The following NALF1 variants were observed in gnomAD, a reference collection of about 807,000 sequenced individuals.
NALF1 encodes family with sequence similarity 155 member A.
In NALF1, 3 loss-of-function variants were observed where a neutral mutation model predicts 48.4. The observed-to-expected ratio is 0.06, with a 90% confidence interval of 0.03 to 0.16. The LOEUF is 0.16. Among genes scored for constraint, NALF1 ranks in the 10% least tolerant of loss-of-function variants. NALF1 has a pLI of 1.00. For synonymous variants in NALF1, 262 were observed against 245.7 expected (o/e 1.07, Z -0.62); for missense variants, 526 against 571.5 (o/e 0.92, Z 0.81).
intron 1 of NALF1, among the ~76,000 whole-genome samples, chr13:107,820,699 A>C (rs1427684601): frequency 6.6e-6 from 1 of 152,140 alleles, no homozygotes; most frequent in Non-Finnish European, 1.5e-5. Flanking sequence ...TGAAAAATAC[A>C]TGTTTCCCAG....
At chr13:107,198,744 A>C (rs139237103) in intron 2 of NALF1, among the ~76,000 whole-genome samples, 1 of 152,302 alleles carries the variant, frequency 6.6e-6, no homozygotes, top group East Asian at 1.9e-4. Context: ...TCCAAAATCA[A>C]TGTGTTGGCA....
intron 1 of NALF1, among the ~76,000 whole-genome samples, chr13:107,564,904 C>T (rs1019644126): frequency 1.3e-5 from 2 of 151,910 alleles, no homozygotes; most frequent in African/African-American, 2.4e-5. Flanking sequence ...TGACACAAAG[C>T]TTGAAAGGCA....
Position 107,344,773 on chromosome 13 carries a change from C to T in NALF1, c.916-134018G>A, listed in dbSNP as rs545632253. Among the ~76,000 whole-genome samples the T allele has an allele frequency of 4.6e-5, 7 of 152,114 alleles. No homozygotes were observed. The South Asian group carries it at 1.0e-3, about 23-fold the overall frequency. ...TTTTCCTTTAATATCAGGAGCAAGA[C>T]AAGAATGCCCACTCTTACCACTTTT... On this transcript the variant is annotated intron_variant, in intron 1 of 2. Transcript: ENST00000375915.
At chr13:107,642,741 C>A (rs1224056631) in intron 1 of NALF1, among the ~76,000 whole-genome samples, 1 of 152,166 alleles carries the variant, frequency 6.6e-6, no homozygotes, top group Non-Finnish European at 1.5e-5. Context: ...GAGAGTTGAG[C>A]ATACAGTCAG....
At chr13:107,624,696 G>A (rs1269200026) in intron 1 of NALF1, among the ~76,000 whole-genome samples, 1 of 152,200 alleles carries the variant, frequency 6.6e-6, no homozygotes, top group Non-Finnish European at 1.5e-5. Flanking sequence ...TAACTAAAAT[G>A]TAGTTTGATT....
intron 1 of NALF1, among the ~76,000 whole-genome samples, chr13:107,390,449 A>T (rs1055644266): frequency 3.3e-5 from 5 of 152,214 alleles, no homozygotes; most frequent in Admixed American, 6.5e-5. Context: ...AATCTTTTGA[A>T]TTCTTGAATC....
chr13:107,829,680 A>T (rs1425028113), intron 1 of NALF1, among the ~76,000 whole-genome samples: 1 of 150,622 alleles, frequency 6.6e-6, no homozygotes, highest in Non-Finnish European at 1.5e-5. Flanking sequence ...TATGAAAAAA[A>T]GATCATGAGT....
intron 1 of NALF1, among the ~76,000 whole-genome samples, chr13:107,651,413 A>G (rs1446149622): frequency 6.6e-6 from 1 of 152,154 alleles, no homozygotes; most frequent in African/African-American, 2.4e-5. Flanking sequence ...AATATCTGAG[A>G]TTTTCATCAG....
At chr13:107,295,853 T>G (rs778999683) in intron 1 of NALF1, among the ~76,000 whole-genome samples, 4 of 152,250 alleles carry the variant, frequency 2.6e-5, no homozygotes, top group Non-Finnish European at 5.9e-5. Context: ...AAAACACTAC[T>G]TTAACAGTTT....
At chr13:107,726,012 T>A (rs2138531509) in intron 1 of NALF1, among the ~76,000 whole-genome samples, 1 of 152,290 alleles carries the variant, frequency 6.6e-6, no homozygotes, top group African/African-American at 2.4e-5. Flanking sequence ...GGTGGATCCA[T>A]GCACCTACTA....
chr13:107,816,685 A>G (rs1207743399), intron 1 of NALF1, among the ~76,000 whole-genome samples: 1 of 152,166 alleles, frequency 6.6e-6, no homozygotes, highest in African/African-American at 2.4e-5. Flanking sequence ...TTTATTGACA[A>G]CAAAGCATAG....
intron 1 of NALF1, among the ~76,000 whole-genome samples, chr13:107,864,186 A>T (rs548240677): frequency 6.6e-5 from 10 of 152,298 alleles, no homozygotes; most frequent in Admixed American, 1.3e-4. Flanking sequence ...TGATATGGTT[A>T]AAAAAATAGA....
At chr13:107,824,829 G>A (rs144430419) in intron 1 of NALF1, among the ~76,000 whole-genome samples, 223 of 152,286 alleles carry the variant, frequency 1.5e-3, no homozygotes, top group African/African-American at 4.9e-3. Context: ...CCATCGCTGC[G>A]TAGTCATAAA....
intron 1 of NALF1, among the ~76,000 whole-genome samples, chr13:107,276,293 C>T (rs191696283): frequency 2.0e-5 from 3 of 152,234 alleles, no homozygotes; most frequent in Admixed American, 2.0e-4. Context: ...AGAATAGCTA[C>T]TAAACACATA....
At chr13:107,316,232 ATT>A (rs1363218793) in intron 1 of NALF1, among the ~76,000 whole-genome samples, 1 of 152,102 alleles carries the variant, frequency 6.6e-6, no homozygotes, top group Non-Finnish European at 1.5e-5. Flanking sequence ...TGAAATCATC[ATT>A]TTTTATGGCT....
At chr13:107,386,026 A>G (rs7322899) in intron 1 of NALF1, among the ~76,000 whole-genome samples, 4,966 of 152,288 alleles carry the variant, frequency 0.033, 280 homozygotes, top group African/African-American at 0.11. Flanking sequence ...TAAGGTCTAT[A>G]AAAACCAGAT....
chr13:107,795,119 A>T (rs1878379986), intron 1 of NALF1, among the ~76,000 whole-genome samples: 1 of 152,208 alleles, frequency 6.6e-6, no homozygotes, highest in African/African-American at 2.4e-5. Flanking sequence ...AGCTAAGATA[A>T]TGTTAGACAC....
intron 1 of NALF1, among the ~76,000 whole-genome samples, chr13:107,792,517 G>C (rs1594270092): frequency 6.6e-6 from 1 of 151,986 alleles, no homozygotes; most frequent in East Asian, 1.9e-4. Flanking sequence ...GCTTTCCTAT[G>C]GCTCAACCCA....
chr13:107,572,540 G>A (rs1878018996), intron 1 of NALF1, among the ~76,000 whole-genome samples: 1 of 152,114 alleles, frequency 6.6e-6, no homozygotes, highest in South Asian at 2.1e-4. Flanking sequence ...TTCCCTTTGT[G>A]CCGATCCAGG....
Sources: allele counts gnomAD v4.1 joint callset (sites outside exome capture counted in the v4.1 genomes callset), GRCh38; gene constraint gnomAD v4.1.1; transcripts MANE v1.5; gene names NCBI Gene and HGNC (gene_info 2026-07-23, HGNC 2026-07-21).